MDGA2: variants seen among roughly 807,000 people sequenced by gnomAD.
MDGA2 encodes MAM domain-containing glycosylphosphatidylinositol anchor protein 2.
In MDGA2, 40 loss-of-function variants were observed where a neutral mutation model predicts 117.8. That is an observed-to-expected ratio of 0.34 (90% CI 0.26 to 0.44). The LOEUF (loss-of-function observed/expected upper bound fraction) is 0.44, where lower values mean the gene tolerates loss of function less well. Among genes scored for constraint, MDGA2 ranks in the 20% least tolerant of loss-of-function variants. The pLI is 1.00. For missense variants in MDGA2, 1,123 were observed against 1,250.6 expected (o/e 0.90, Z 1.54); for synonymous variants, 452 against 439.0 (o/e 1.03, Z -0.37).
In MDGA2 at chr14:46,845,007, G is replaced by C. The variant is rs542725123; in HGVS notation, c.2989+759C>G. On this transcript the variant is annotated intron_variant, in intron 16 of 16. Coordinates refer to ENST00000399232, the MANE Select transcript of MDGA2 (RefSeq NM_001113498.3). ...CGCCAATCTCCTGCCTCGGCCTCCCGAGTAGCTGGGACTACAGGGACTACA... is the reference window on the plus strand; with the variant it reads ...CGCCAATCTCCTGCCTCGGCCTCCCCAGTAGCTGGGACTACAGGGACTACA... Among the ~76,000 whole-genome samples, 7 of 151,990 alleles carry C rather than the reference G, an allele frequency of 4.6e-5. No individual in the cohort carries two copies. In the East Asian group the frequency reaches 1.4e-3, roughly 30 times the overall value.
At chr14:47,349,153 G>A (rs1890824572) in intron 1 of MDGA2, among the ~76,000 whole-genome samples, 2 of 152,210 alleles carry the variant, frequency 1.3e-5, no homozygotes, top group Admixed American at 6.5e-5. Flanking sequence ...GAGCCTACTT[G>A]AAGTGATGAA....
At chr14:47,643,600 G>A (rs1897469795) in intron 1 of MDGA2, among the ~76,000 whole-genome samples, 1 of 152,102 alleles carries the variant, frequency 6.6e-6, no homozygotes, top group African/African-American at 2.4e-5. Context: ...GGAAAGCAAA[G>A]AGGCACCAAA....
intron 1 of MDGA2, among the ~76,000 whole-genome samples, chr14:47,660,557 C>T (rs891125738): frequency 2.0e-5 from 3 of 152,192 alleles, no homozygotes; most frequent in Non-Finnish European, 4.4e-5. Flanking sequence ...TCCTCTTGAA[C>T]ACAACAAGAT....
intron 6 of MDGA2, among the ~76,000 whole-genome samples, chr14:47,086,605 A>G (rs1339119162): frequency 1.3e-5 from 1 of 74,404 alleles, no homozygotes; most frequent in Non-Finnish European, 2.7e-5. Context: ...ATAGAAGTTA[A>G]ACATAGATTT....
chr14:47,061,179 T>C, intron 7 of MDGA2, 70 bp downstream of exon 7: 1 of 1,389,756 alleles, frequency 7.2e-7, no homozygotes, highest in South Asian at 1.4e-5. Flanking sequence ...AACTAAAACC[T>C]ACTTGATCTG....
At chr14:47,494,268 C>T (rs8019096) in intron 1 of MDGA2, among the ~76,000 whole-genome samples, 112,786 of 152,068 alleles carry the variant, frequency 0.74, 42,315 homozygotes, top group East Asian at 1. Flanking sequence ...TTGTGTAACA[C>T]ATGAAATTGA....
At chr14:47,012,158 T>G (rs990133627) in intron 8 of MDGA2, among the ~76,000 whole-genome samples, 4 of 152,130 alleles carry the variant, frequency 2.6e-5, no homozygotes, top group African/African-American at 4.8e-5. Flanking sequence ...AATCAAAGAT[T>G]GGTATAAAGG....
chr14:47,176,392 C>T (rs1230326502), intron 3 of MDGA2, among the ~76,000 whole-genome samples: 7 of 151,988 alleles, frequency 4.6e-5, no homozygotes, highest in Admixed American at 2.0e-4. Flanking sequence ...GCTACCTGAC[C>T]TCAAACTATA....
chr14:47,153,541 G>A lies in MDGA2; in HGVS notation c.596-9267C>T, dbSNP rs956486903. On this transcript the variant is annotated intron_variant, in intron 3 of 16. Transcript: ENST00000399232. ...CAGCTCCTCCAGTTGCAATGTACAC[G>A]ACCTAGAGCCAAAATAAGTCTGGGC... Among the ~76,000 whole-genome samples, 5 of 151,948 alleles carry A rather than the reference G, an allele frequency of 3.3e-5. 1 individual carries two copies. Among genetic ancestry groups the A allele is most frequent in the African/African-American group, 4.8e-5 (2 of 41,360 alleles).
intron 2 of MDGA2, among the ~76,000 whole-genome samples, chr14:47,226,260 A>AATAAATAG (rs1220651115): frequency 4.7e-5 from 7 of 148,658 alleles, no homozygotes; most frequent in Non-Finnish European, 1.0e-4. Context: ...TAAATAAATA[A>AATAAATAG]ATGGGAGGAG....
rs113045264 is a variant in MDGA2 at position 47,000,377 on chromosome 14, T to A, written c.1819+34634A>T. Among the ~76,000 whole-genome samples the A allele has an allele frequency of 4.7e-4, 47 of 100,012 alleles. 1 individual carries two copies. Among genetic ancestry groups the A allele is most frequent in the African/African-American group, 1.2e-3 (37 of 30,332 alleles). 65.6% of individuals were successfully genotyped at this position (100,012 alleles called of 152,430 possible). On this transcript the variant is annotated intron_variant, in intron 8 of 16. Transcript: ENST00000399232. ...CACACATATATATGTATATATATAT[T>A]TATATATATATATTTATATATAAAT...
intron 1 of MDGA2, among the ~76,000 whole-genome samples, chr14:47,355,695 G>C (rs541380423): frequency 6.6e-6 from 1 of 152,216 alleles, no homozygotes; most frequent in South Asian, 2.1e-4. Context: ...AGAGGACAGA[G>C]AGAGGACGGC....
At chr14:47,288,111 C>T (rs1339507753) in intron 2 of MDGA2, among the ~76,000 whole-genome samples, 1 of 150,548 alleles carries the variant, frequency 6.6e-6, no homozygotes, top group African/African-American at 2.4e-5. Flanking sequence ...TTATGGAAGC[C>T]CAAGGGAAGT....
intron 2 of MDGA2, among the ~76,000 whole-genome samples, chr14:47,253,119 T>C (rs546717695): frequency 6.6e-6 from 1 of 152,278 alleles, no homozygotes; most frequent in Middle Eastern, 3.4e-3. Flanking sequence ...GTGAGGATTA[T>C]GGAAACTACA....
At chr14:47,424,183 T>G (rs561905451) in intron 1 of MDGA2, among the ~76,000 whole-genome samples, 6 of 152,236 alleles carry the variant, frequency 3.9e-5, no homozygotes, top group Admixed American at 3.9e-4. Flanking sequence ...CACTTTGGGA[T>G]GCCCAGACAT....
intron 14 of MDGA2, among the ~76,000 whole-genome samples, chr14:46,859,171 C>G (rs1171335449): frequency 2.0e-5 from 3 of 152,082 alleles, no homozygotes; most frequent in Non-Finnish European, 4.4e-5. Flanking sequence ...ATGATTCTAG[C>G]CTTTCTGGTT....
chr14:47,561,158 G>T (rs200742724), intron 1 of MDGA2, among the ~76,000 whole-genome samples: 4,341 of 52,730 alleles, frequency 0.082, 419 homozygotes, highest in East Asian at 0.51. Context: ...TTTTTGTTTT[G>T]TTTTGTTTTT....
chr14:47,660,118 A>G (rs775485090), intron 1 of MDGA2, among the ~76,000 whole-genome samples: 41 of 152,292 alleles, frequency 2.7e-4, no homozygotes, highest in Non-Finnish European at 4.3e-4. Flanking sequence ...TGAATTGCCA[A>G]TTGTAAAATG....
chr14:47,065,842 T>C (rs1336742562), intron 6 of MDGA2, among the ~76,000 whole-genome samples: 1 of 152,162 alleles, frequency 6.6e-6, no homozygotes, highest in African/African-American at 2.4e-5. Flanking sequence ...GGTTGATAAA[T>C]TGCTGAAAAG....
Sources: gnomAD v4.1 joint callset for allele counts (sites outside exome capture counted in the v4.1 genomes callset) on GRCh38, gnomAD v4.1.1 for gene constraint, MANE v1.5 for transcripts, NCBI Gene and HGNC (gene_info 2026-07-23, HGNC 2026-07-21) for gene names.